The following TNRC6B variants were observed in gnomAD, a reference collection of about 807,000 sequenced individuals.
TNRC6B encodes the protein trinucleotide repeat-containing gene 6B protein.
A neutral mutation model predicts 203.6 loss-of-function variants in TNRC6B; 52 were observed. The ratio of observed to expected loss-of-function variants is 0.26; its 90% CI spans 0.20 to 0.32. TNRC6B has a LOEUF of 0.32. Ranked by LOEUF, TNRC6B falls within the 10% of genes least tolerant of loss-of-function variation. The pLI, the probability that TNRC6B is intolerant of heterozygous loss-of-function variation, is 1.00. For synonymous variants in TNRC6B, 838 were observed against 845.7 expected (o/e 0.99, Z 0.16); for missense variants, 1,923 against 2,286.2 (o/e 0.84, Z 3.24).
intron 5 of TNRC6B, 151 bp from the exon 6 acceptor site, chr22:40,269,971 C>A: frequency 4.6e-6 from 3 of 655,826 alleles, no homozygotes; most frequent in Non-Finnish European, 4.7e-6. Context: ...TAAAAAGTAG[C>A]ATTGCCAAAT....
Position 40,097,294 on chromosome 22 carries a change from T to C in TNRC6B, c.-120-19761T>C, listed in dbSNP as rs2068193153. On this transcript the variant is annotated intron_variant, in intron 1 of 23. Coordinates refer to the TNRC6B transcript ENST00000301923. ...TCCTATTCCTCAGGTGTGTCCTTTT[T>C]TTTTGTTTTTGTTTTTGTTTTAAGA... Among the ~76,000 whole-genome samples, 2 of 148,300 alleles carry C rather than the reference T, an allele frequency of 1.3e-5. 1 individual carries two copies. The highest frequency in any genetic ancestry group is 4.2e-4 in the South Asian group (2 of 4,808).
intron 1 of TNRC6B, among the ~76,000 whole-genome samples, chr22:40,230,664 C>A (rs1410208293): frequency 6.6e-6 from 1 of 152,022 alleles, no homozygotes. Context: ...AAGTGATTTG[C>A]AGATAACTTT....
intron 1 of TNRC6B, among the ~76,000 whole-genome samples, chr22:40,238,344 G>A (rs2069976756): frequency 6.6e-6 from 1 of 152,160 alleles, no homozygotes; most frequent in Non-Finnish European, 1.5e-5. Flanking sequence ...AACTGAGAAT[G>A]AGAGGTTTTG....
chr22:40,163,782 G>C (rs2068893612), intron 4 of TNRC6B, among the ~76,000 whole-genome samples: 1 of 151,736 alleles, frequency 6.6e-6, no homozygotes. Context: ...AGAAAGAAAA[G>C]AAAAGGGTAA....
At chr22:40,271,517 ATAGT>A (rs2070563017) in intron 6 of TNRC6B, among the ~76,000 whole-genome samples, 2 of 152,354 alleles carry the variant, frequency 1.3e-5, no homozygotes, top group South Asian at 4.1e-4. Context: ...CCTCATTAAA[ATAGT>A]TAGCTTTATG....
intron 3 of TNRC6B, among the ~76,000 whole-genome samples, chr22:40,142,419 C>G (rs181367284): frequency 6.6e-6 from 1 of 152,178 alleles, no homozygotes; most frequent in African/African-American, 2.4e-5. Context: ...GCTTAGGCAT[C>G]TTTGCTTTAA....
At chr22:40,176,357 C>T (rs1346939381), upstream of TNRC6B, among the ~76,000 whole-genome samples, 1 of 152,028 alleles carries the variant, frequency 6.6e-6, no homozygotes, top group Non-Finnish European at 1.5e-5. Flanking sequence ...GAACTCCCGA[C>T]CTCAGGTGAT....
At chr22:40,207,068 T>G (rs1299445271) in intron 1 of TNRC6B, among the ~76,000 whole-genome samples, 1 of 151,628 alleles carries the variant, frequency 6.6e-6, no homozygotes, top group Admixed American at 6.6e-5. Context: ...CGTTCATGCC[T>G]TAGAGCTGCA....
At chr22:40,108,282 G>A (rs73424267) in intron 1 of TNRC6B, among the ~76,000 whole-genome samples, 8,678 of 152,144 alleles carry the variant, frequency 0.057, 794 homozygotes, top group African/African-American at 0.19. Flanking sequence ...ACTGCTGTCA[G>A]CACCACCCTG....
intron 2 of TNRC6B, 164 bp downstream of exon 2, chr22:40,246,266 T>A (rs2070105702): frequency 1.3e-5 from 6 of 447,000 alleles, no homozygotes; most frequent in Non-Finnish European, 2.0e-5. Flanking sequence ...CTTGGCTCAC[T>A]ACAACCTCCG....
chr22:40,111,612 G>C (rs1568987023), intron 1 of TNRC6B, among the ~76,000 whole-genome samples: 1 of 152,242 alleles, frequency 6.6e-6, no homozygotes, highest in Non-Finnish European at 1.5e-5. Context: ...TCTGATTTGA[G>C]TGGGATGGCA....
chr22:40,306,173 G>A (rs1601509778), intron 15 of TNRC6B, among the ~76,000 whole-genome samples: 2 of 152,222 alleles, frequency 1.3e-5, no homozygotes, highest in African/African-American at 2.4e-5. Context: ...GGCACCTGTA[G>A]TCCCAGCTGC....
intron 12 of TNRC6B, among the ~76,000 whole-genome samples, chr22:40,295,130 C>T (rs1569058322): frequency 6.6e-6 from 1 of 152,096 alleles, no homozygotes. Flanking sequence ...GCTGATGAGC[C>T]TAGTACAGGA....
chr22:40,244,190 C>G (rs942985977), intron 1 of TNRC6B, among the ~76,000 whole-genome samples: 1 of 152,186 alleles, frequency 6.6e-6, no homozygotes, highest in Non-Finnish European at 1.5e-5. Flanking sequence ...ATCCATCTTA[C>G]CAGTGTTTGT....
intron 1 of TNRC6B, among the ~76,000 whole-genome samples, chr22:40,231,542 A>G (rs1192873636): frequency 6.6e-6 from 1 of 151,946 alleles, no homozygotes; most frequent in Non-Finnish European, 1.5e-5. Context: ...TAAAATTTCT[A>G]TTTCTGATTG....
chr22:40,118,162 C>T (rs2068408534), intron 2 of TNRC6B, among the ~76,000 whole-genome samples: 1 of 152,148 alleles, frequency 6.6e-6, no homozygotes, highest in African/African-American at 2.4e-5. Flanking sequence ...GCTTATGTGC[C>T]TAGTGTATGC....
intron 22 of TNRC6B, among the ~76,000 whole-genome samples, chr22:40,322,644 T>A (rs2071349574): frequency 6.6e-6 from 1 of 152,226 alleles, no homozygotes; most frequent in Non-Finnish European, 1.5e-5. Flanking sequence ...CATCATTACT[T>A]CTTAATTACC....
intron 3 of TNRC6B, among the ~76,000 whole-genome samples, chr22:40,126,297 G>A (rs1363699175): frequency 6.6e-6 from 1 of 152,062 alleles, no homozygotes; most frequent in Non-Finnish European, 1.5e-5. Flanking sequence ...TTTGTTGCAT[G>A]AGTATGTTGT....
intron 3 of TNRC6B, among the ~76,000 whole-genome samples, chr22:40,133,355 A>G (rs1165736845): frequency 6.6e-6 from 1 of 152,130 alleles, no homozygotes; most frequent in Non-Finnish European, 1.5e-5. Context: ...TTAATGCAAC[A>G]AACATTTATT....
Sources: allele counts gnomAD v4.1 joint callset (sites outside exome capture counted in the v4.1 genomes callset), GRCh38; gene constraint gnomAD v4.1.1; transcripts MANE v1.5; gene names NCBI Gene and HGNC (gene_info 2026-07-23, HGNC 2026-07-21).